Variants in METTL8 observed in about 807,000 individuals in gnomAD.
METTL8 encodes the protein methyltransferase 8, tRNA N3-cytidine, also known as tRNA N(3)-cytidine methyltransferase METTL8, mitochondrial.
METTL8 carries 32 observed loss-of-function variants against 48.7 expected under a neutral mutation model. That is an observed-to-expected ratio of 0.66 (90% CI 0.50 to 0.88). The LOEUF (loss-of-function observed/expected upper bound fraction) is 0.88. METTL8 is among the 40% of genes least tolerant of loss of function. The pLI is 0.00. For synonymous variants in METTL8, 136 were observed against 157.1 expected, an observed-to-expected ratio of 0.87 and a Z score of 1.01; for missense variants, 464 against 474.4, an observed-to-expected ratio of 0.98 and a Z score of 0.20.
At chr2:171,434,578 A>G (rs762608997), upstream of METTL8, 15 of 1,527,114 alleles carry the variant, frequency 9.8e-6, no homozygotes, top group South Asian at 1.8e-4. Context: ...CCGCGCCTCC[A>G]TGGGCCCGAC....
At chr2:171,332,756 T>C (rs1220750566) in intron 5 of METTL8, 1 of 152,204 alleles carries the variant, frequency 6.6e-6, no homozygotes, top group African/African-American at 2.4e-5. Flanking sequence ...TTATACAACT[T>C]CTACAGGGGT....
At chr2:171,397,555 A>G in intron 1 of METTL8, among the ~76,000 whole-genome samples, 1 of 93,168 alleles carries the variant, frequency 1.1e-5, no homozygotes, top group Non-Finnish European at 2.3e-5. Context: ...CCCTGCCTCA[A>G]AAAAAAAAAA....
chr2:171,325,320 G>A (rs1294722689), intron 9 of METTL8, among the ~76,000 whole-genome samples: 1 of 151,958 alleles, frequency 6.6e-6, no homozygotes, highest in Non-Finnish European at 1.5e-5. Flanking sequence ...CAAGTAGCTA[G>A]GACTACAGGT....
intron 2 of METTL8, among the ~76,000 whole-genome samples, chr2:171,371,073 AAAC>A (rs1200223838): frequency 6.6e-6 from 1 of 152,244 alleles, no homozygotes; most frequent in African/African-American, 2.4e-5. Flanking sequence ...AATAAAGAAA[AAAC>A]ATTTTCAGCT....
chr2:171,347,905 T>C (rs1683451318), intron 3 of METTL8, among the ~76,000 whole-genome samples: 1 of 152,218 alleles, frequency 6.6e-6, no homozygotes. Context: ...GATGTCATTG[T>C]GGATCAGGTG....
At chr2:171,431,523 T>C (rs1693016266) in intron 1 of METTL8, among the ~76,000 whole-genome samples, 1 of 152,166 alleles carries the variant, frequency 6.6e-6, no homozygotes, top group Non-Finnish European at 1.5e-5. Flanking sequence ...AGAGCAAAAA[T>C]CCTGCATCAA....
At chr2:171,364,285 A>G (rs1054101442) in intron 2 of METTL8, among the ~76,000 whole-genome samples, 1 of 152,162 alleles carries the variant, frequency 6.6e-6, no homozygotes, top group African/African-American at 2.4e-5. Flanking sequence ...TTTAAAAACT[A>G]TATGTAAAAC....
intron 2 of METTL8, among the ~76,000 whole-genome samples, chr2:171,361,686 T>C (rs1685188057): frequency 6.6e-6 from 1 of 152,204 alleles, no homozygotes; most frequent in Non-Finnish European, 1.5e-5. Context: ...CAAGGTCATA[T>C]AGCCAGGAAG....
At chr2:171,420,992 G>C (rs957982541) in intron 1 of METTL8, among the ~76,000 whole-genome samples, 1 of 152,130 alleles carries the variant, frequency 6.6e-6, no homozygotes. Flanking sequence ...ATAAGACAAG[G>C]ATGTCCATTA....
intron 2 of METTL8, among the ~76,000 whole-genome samples, chr2:171,364,211 G>A (rs1273532930): frequency 6.6e-6 from 1 of 152,084 alleles, no homozygotes; most frequent in Non-Finnish European, 1.5e-5. Flanking sequence ...GTTTGAATAG[G>A]AGTAAGAACA....
intron 1 of METTL8, chr2:171,433,261 CCACA>C (rs1693325568): frequency 6.6e-6 from 1 of 152,182 alleles, no homozygotes; most frequent in Admixed American, 6.5e-5. Flanking sequence ...GGGGCAAGAT[CCACA>C]CAAACAGTAG....
intron 3 of METTL8, among the ~76,000 whole-genome samples, chr2:171,346,181 A>G (rs544625230): frequency 1.3e-5 from 2 of 152,156 alleles, no homozygotes; most frequent in South Asian, 4.2e-4. Flanking sequence ...AGCACGCACA[A>G]CCACGCCTGG....
intron 1 of METTL8, among the ~76,000 whole-genome samples, chr2:171,405,901 TA>T (rs1690130763): frequency 6.6e-6 from 1 of 151,896 alleles, no homozygotes; most frequent in Admixed American, 6.6e-5. Flanking sequence ...GGCTGTAAGG[TA>T]GGGGGCATGA....
chr2:171,400,598 C>T (rs1018509731), intron 1 of METTL8, among the ~76,000 whole-genome samples: 1 of 152,166 alleles, frequency 6.6e-6, no homozygotes, highest in Non-Finnish European at 1.5e-5. Context: ...TGAACCCATA[C>T]ATAACAATAT....
chr2:171,330,935 AAAG>A (rs1685463306), intron 6 of METTL8, among the ~76,000 whole-genome samples: 1 of 152,082 alleles, frequency 6.6e-6, no homozygotes, highest in Non-Finnish European at 1.5e-5. Flanking sequence ...TTTAACTTTA[AAAG>A]TAGAGGAGGG....
At chr2:171,429,153 ACT>A (rs1692719967) in intron 1 of METTL8, among the ~76,000 whole-genome samples, 1 of 152,132 alleles carries the variant, frequency 6.6e-6, no homozygotes, top group Non-Finnish European at 1.5e-5. Context: ...ACAAAAGGAC[ACT>A]CTGGATCATC....
At chr2:171,347,741 C>T (rs1683428304) in intron 3 of METTL8, among the ~76,000 whole-genome samples, 1 of 152,206 alleles carries the variant, frequency 6.6e-6, no homozygotes, top group Admixed American at 6.5e-5. Flanking sequence ...TATACTTCTT[C>T]AGAAACAGTG....
chr2:171,360,375 A>G, intron 3 of METTL8, 47 bp downstream of exon 3: 1 of 1,530,012 alleles, frequency 6.5e-7, no homozygotes, highest in Non-Finnish European at 9.0e-7. Context: ...GAGGAGGAAA[A>G]GTCACTAAAG....
chr2:171,324,702 TCA>T (rs1684750967), intron 9 of METTL8, among the ~76,000 whole-genome samples: 1 of 152,206 alleles, frequency 6.6e-6, no homozygotes, highest in Admixed American at 6.5e-5. Context: ...ATAAAAGTAC[TCA>T]CATAAATTTG....
Sources: gnomAD v4.1 joint callset for allele counts (sites outside exome capture counted in the v4.1 genomes callset) on GRCh38, gnomAD v4.1.1 for gene constraint, MANE v1.5 for transcripts, NCBI Gene and HGNC (gene_info 2026-07-23, HGNC 2026-07-21) for gene names.